KIF3B: variants seen among roughly 807,000 people sequenced by gnomAD.
The protein encoded by KIF3B is kinesin family member 3B.
A neutral mutation model predicts 74.3 loss-of-function variants in KIF3B; 38 were observed. The observed-to-expected ratio is 0.51, with a 90% confidence interval of 0.39 to 0.67. The LOEUF (loss-of-function observed/expected upper bound fraction) is 0.67. KIF3B is among the 30% of genes least tolerant of loss of function. The pLI, the probability that KIF3B is intolerant of heterozygous loss-of-function variation, is 0.00. For synonymous variants in KIF3B, 326 were observed against 342.5 expected, an observed-to-expected ratio of 0.95 and a Z score of 0.53; for missense variants, 649 against 932.0, an observed-to-expected ratio of 0.70 and a Z score of 3.95.
intron 5 of KIF3B, 141 bp from the exon 6 acceptor site, chr20:32,326,630 G>A: frequency 1.7e-6 from 1 of 578,930 alleles, no homozygotes; most frequent in Non-Finnish European, 3.1e-6. Flanking sequence ...TTTGTATGAT[G>A]TTAGGCCCAT....
intron 1 of KIF3B, among the ~76,000 whole-genome samples, chr20:32,287,159 G>C (rs765406095): frequency 3.3e-5 from 5 of 151,882 alleles, no homozygotes; most frequent in Non-Finnish European, 5.9e-5. Flanking sequence ...CCATATTTTT[G>C]TACTTATTTA....
intron 7 of KIF3B, among the ~76,000 whole-genome samples, chr20:32,329,279 G>A (rs2047918642): frequency 6.6e-6 from 1 of 152,122 alleles, no homozygotes. Context: ...CTGACCTCAG[G>A]TGATCCACCC....
intron 5 of KIF3B, 40 bp from the exon 6 acceptor site, chr20:32,326,731 A>T (rs1258527785): frequency 1.2e-6 from 1 of 816,488 alleles, no homozygotes; most frequent in African/African-American, 1.7e-5. Flanking sequence ...CTTCATATGT[A>T]TTCTGTATCT....
intron 1 of KIF3B, among the ~76,000 whole-genome samples, chr20:32,301,010 G>GC (rs898980329): frequency 6.6e-6 from 1 of 151,662 alleles, no homozygotes; most frequent in African/African-American, 2.4e-5. Context: ...CCACAGGCAA[G>GC]CGGCACCATG....
At chr20:32,317,423 T>C (rs1004912233) in intron 5 of KIF3B, among the ~76,000 whole-genome samples, 1 of 152,182 alleles carries the variant, frequency 6.6e-6, no homozygotes, top group Non-Finnish European at 1.5e-5. Flanking sequence ...ATTCTGGTCT[T>C]ACATCTGTCT....
chr20:32,323,266 T>G (rs2047885319), intron 5 of KIF3B, among the ~76,000 whole-genome samples: 1 of 147,948 alleles, frequency 6.8e-6, no homozygotes, highest in Non-Finnish European at 1.5e-5. Flanking sequence ...CTTAGTATTT[T>G]CTAGTACCCA....
intron 1 of KIF3B, among the ~76,000 whole-genome samples, chr20:32,284,655 A>C (rs182584248): frequency 5.7e-4 from 87 of 152,298 alleles, no homozygotes; most frequent in Non-Finnish European, 7.8e-4. Context: ...AGAAGAAAAC[A>C]ACAACAATAA....
rs1279938957 is a variant in KIF3B at position 32,322,724 on chromosome 20, T to A, written c.1749-4047T>A. ...TTTATATATTTATATATATTTATAT[T>A]TATTTATTTATATATATTTATTTAT... On this transcript the variant is annotated intron_variant, in intron 5 of 8. Transcript: ENST00000375712. Among the ~76,000 whole-genome samples the A allele has an allele frequency of 3.1e-3, 115 of 37,196 alleles. 7 individuals are homozygous for A. Among genetic ancestry groups the A allele is most frequent in the East Asian group, 6.1e-3 (1 of 164 alleles). 24.4% of individuals were successfully genotyped at this position (37,196 alleles called of 152,430 possible).
chr20:32,279,579 C>A (rs927371146), intron 1 of KIF3B, among the ~76,000 whole-genome samples: 1 of 152,040 alleles, frequency 6.6e-6, no homozygotes, highest in Non-Finnish European at 1.5e-5. Flanking sequence ...AGTTCTCCTG[C>A]CTCAGCCTCC....
chr20:32,328,955 T>C (rs1485853928), intron 7 of KIF3B, among the ~76,000 whole-genome samples: 2 of 152,220 alleles, frequency 1.3e-5, no homozygotes, highest in African/African-American at 2.4e-5. Flanking sequence ...TCGCCCAGGC[T>C]GGAGTGCAGT....
chr20:32,306,266 T>C (rs1221027951), intron 1 of KIF3B, among the ~76,000 whole-genome samples: 4 of 145,104 alleles, frequency 2.8e-5, no homozygotes, highest in Non-Finnish European at 6.1e-5. Context: ...CATGGTGGCA[T>C]GTGCCTGTAA....
chr20:32,292,144 G>C (rs895242646), intron 1 of KIF3B, among the ~76,000 whole-genome samples: 4 of 150,160 alleles, frequency 2.7e-5, no homozygotes, highest in African/African-American at 9.8e-5. Flanking sequence ...TTGCCATCTT[G>C]TCCAAGCTGG....
At chr20:32,325,918 C>T (rs2047901904) in intron 5 of KIF3B, among the ~76,000 whole-genome samples, 1 of 152,010 alleles carries the variant, frequency 6.6e-6, no homozygotes, top group South Asian at 2.1e-4. Context: ...TCCACTGGCT[C>T]GGCCTCCCAA....
chr20:32,325,657 T>C (rs1029606292), intron 5 of KIF3B, among the ~76,000 whole-genome samples: 9 of 68,606 alleles, frequency 1.3e-4, no homozygotes, highest in Admixed American at 2.9e-4. Context: ...CTCTCTCTCT[T>C]TTTTTTTTTT....
chr20:32,330,833 T>A (rs1249533455), intron 8 of KIF3B, among the ~76,000 whole-genome samples: 1 of 152,228 alleles, frequency 6.6e-6, no homozygotes, highest in Non-Finnish European at 1.5e-5. Context: ...ACCTCACCCA[T>A]GTGGTGCAAA....
rs1331740720 is a variant in KIF3B, at chr20:32,322,708, T to TTA, written c.1749-4055_1749-4054dup. 7.6e-4 allele frequency among the ~76,000 whole-genome samples: 35 copies of TTA among 46,334 alleles called. 5 individuals carry two copies. Among genetic ancestry groups the TTA allele is most frequent in the African/African-American group, 3.2e-3 (35 of 11,096 alleles). 30.4% of individuals were successfully genotyped at this position (46,334 alleles called of 152,430 possible). ...TATATATTTATATATATTTATATAT[T>TTA]TATATATATTTATATTTATTTATTT... On this transcript the variant is annotated intron_variant, in intron 5 of 8. Transcript: ENST00000375712.
chr20:32,298,547 G>A, intron 1 of KIF3B, among the ~76,000 whole-genome samples: 1 of 152,128 alleles, frequency 6.6e-6, no homozygotes, highest in Non-Finnish European at 1.5e-5. Context: ...AAAGGATAAA[G>A]TATTACAGAT....
chr20:32,325,653 CTCTTTTTTTTTTT>C (rs1225132853), intron 5 of KIF3B, among the ~76,000 whole-genome samples: 19 of 90,286 alleles, frequency 2.1e-4, no homozygotes, highest in East Asian at 6.5e-4. Context: ...CTCTCTCTCT[CTCTTTTTTTTTTT>C]TTTTTTTTTT....
intron 5 of KIF3B, among the ~76,000 whole-genome samples, chr20:32,319,677 C>T (rs1258266633): frequency 6.8e-6 from 1 of 147,974 alleles, no homozygotes; most frequent in Non-Finnish European, 1.5e-5. Flanking sequence ...CCTCTGCCTC[C>T]TGGGTTCAAG....
Sources: allele counts gnomAD v4.1 joint callset (sites outside exome capture counted in the v4.1 genomes callset), GRCh38; gene constraint gnomAD v4.1.1; transcripts MANE v1.5; gene names NCBI Gene and HGNC (gene_info 2026-07-23, HGNC 2026-07-21).